The following POLR1D variants were observed in gnomAD, a reference collection of about 807,000 sequenced individuals.
POLR1D encodes the protein RNA polymerase I and III subunit D, also known as DNA-directed RNA polymerases I and III subunit RPAC2.
Under a neutral mutation model 10.8 loss-of-function variants are expected in POLR1D, and 8 were observed. The ratio of observed to expected loss-of-function variants is 0.74; its 90% CI spans 0.43 to 1.33. The LOEUF is 1.33. Among genes scored for constraint, POLR1D ranks in the 40% most tolerant of loss-of-function variants. The probability of loss-of-function intolerance (pLI) is 0.01; values close to 1 mark genes in which losing one functional copy is unlikely to be tolerated. For missense variants in POLR1D, 152 were observed against 161.7 expected (o/e 0.94, Z 0.32); for synonymous variants, 54 against 57.2 (o/e 0.94, Z 0.25).
intron 2 of POLR1D, among the ~76,000 whole-genome samples, chr13:27,649,746 C>A (rs1473492924): frequency 6.6e-6 from 1 of 152,150 alleles, no homozygotes; most frequent in Non-Finnish European, 1.5e-5. Flanking sequence ...GGTCTAGAAA[C>A]AATGACCACC....
At chr13:27,652,911 CTTTTTTTT>C (rs71083685) in intron 2 of POLR1D, among the ~76,000 whole-genome samples, 1 of 89,332 alleles carries the variant, frequency 1.1e-5, no homozygotes, top group African/African-American at 4.9e-5. Context: ...TTTACCATTT[CTTTTTTTT>C]TTTTTTTTTT....
chr13:27,635,696 CTATATA>C (rs3081355), intron 1 of POLR1D, among the ~76,000 whole-genome samples: 30,312 of 140,388 alleles, frequency 0.22, 3,542 homozygotes, highest in Non-Finnish European at 0.26. Context: ...TACAAAGTAA[CTATATA>C]TATATATATA....
chr13:27,625,300 T>G (rs1040697833), downstream of POLR1D, among the ~76,000 whole-genome samples: 2 of 151,836 alleles, frequency 1.3e-5, no homozygotes, highest in African/African-American at 4.8e-5. Flanking sequence ...GAGGCTGGAG[T>G]AGAAGCAGAG....
chr13:27,648,979 C>CT (rs1478315478), intron 2 of POLR1D, among the ~76,000 whole-genome samples: 2 of 152,126 alleles, frequency 1.3e-5, no homozygotes. Flanking sequence ...CATCCCAGCA[C>CT]TTTGGGAGGC....
intron 1 of POLR1D, among the ~76,000 whole-genome samples, chr13:27,629,172 G>A (rs777998378): frequency 2.0e-5 from 3 of 152,150 alleles, no homozygotes; most frequent in South Asian, 2.1e-4. Flanking sequence ...GGAATCTTGG[G>A]TATCTTTTCA....
intron 1 of POLR1D, chr13:27,622,218 C>A: frequency 1.6e-6 from 1 of 610,258 alleles, no homozygotes; most frequent in Non-Finnish European, 2.9e-6. Flanking sequence ...AGTTGGGAGA[C>A]CAGAGTTAAG....
At chr13:27,643,955 C>T (rs1956197193) in intron 1 of POLR1D, among the ~76,000 whole-genome samples, 1 of 152,086 alleles carries the variant, frequency 6.6e-6, no homozygotes, top group Admixed American at 6.6e-5. Flanking sequence ...CTTTTTTGAA[C>T]CTGTTTTTCT....
At chr13:27,657,435 A>G (rs984130519) in intron 2 of POLR1D, among the ~76,000 whole-genome samples, 2 of 152,152 alleles carry the variant, frequency 1.3e-5, no homozygotes, top group Admixed American at 6.5e-5. Flanking sequence ...CTGAGGCAGG[A>G]GAATCACTTG....
chr13:27,640,712 AGATC>A (rs1229775825), intron 1 of POLR1D, among the ~76,000 whole-genome samples: 2 of 152,206 alleles, frequency 1.3e-5, no homozygotes, highest in African/African-American at 4.8e-5. Flanking sequence ...ACTGATTCAT[AGATC>A]ATTTTATTAT....
At position 27,621,941 on chromosome 13, in the gene POLR1D, C is replaced by A. The variant is rs778495401; in HGVS notation, c.-43C>A. 2.0e-5 allele frequency: 32 copies of A among 1,574,472 alleles called. No homozygotes were observed. Among genetic ancestry groups the A allele is most frequent in the East Asian group, 2.3e-5 (1 of 43,450 alleles). On this transcript the variant is annotated 5_prime_UTR_variant, in exon 1 of 2. Coordinates refer to ENST00000302979, the MANE Select transcript of POLR1D (RefSeq NM_015972.4). ...GCCTCGCGCTATGGGACAGAGCCCC[C>A]GATCCGCCAGCACCACCTGAGGATC...
intron 1 of POLR1D, among the ~76,000 whole-genome samples, chr13:27,641,062 T>G (rs1371165202): frequency 6.6e-6 from 1 of 152,210 alleles, no homozygotes; most frequent in Non-Finnish European, 1.5e-5. Flanking sequence ...TTTTTTTGCT[T>G]CTTTAAAAAA....
At chr13:27,630,103 G>C (rs1355569193) in intron 1 of POLR1D, among the ~76,000 whole-genome samples, 1 of 152,046 alleles carries the variant, frequency 6.6e-6, no homozygotes, top group Non-Finnish European at 1.5e-5. Context: ...AGTAGAGACG[G>C]GGTTTCACCA....
chr13:27,633,653 A>G (rs896491817), intron 1 of POLR1D, among the ~76,000 whole-genome samples: 7 of 152,242 alleles, frequency 4.6e-5, no homozygotes, highest in Non-Finnish European at 1.0e-4. Context: ...AGACTCTTGC[A>G]CTTTTCCCTT....
intron 1 of POLR1D, among the ~76,000 whole-genome samples, chr13:27,633,939 C>A (rs1956097948): frequency 6.6e-6 from 1 of 152,224 alleles, no homozygotes; most frequent in Non-Finnish European, 1.5e-5. Flanking sequence ...TTTATCTCTT[C>A]ATTCCCTGAA....
upstream of POLR1D, chr13:27,621,157 CAGGTGAGG>C (rs2138511716): frequency 6.5e-6 from 1 of 152,926 alleles, no homozygotes; most frequent in South Asian, 2.1e-4. Context: ...GCGGGTTCCG[CAGGTGAGG>C]AGGTTTGAGG....
intron 1 of POLR1D, among the ~76,000 whole-genome samples, chr13:27,645,230 A>G (rs905539283): frequency 3.3e-5 from 5 of 152,198 alleles, no homozygotes; most frequent in African/African-American, 1.2e-4. Flanking sequence ...TCTTTGAATG[A>G]ATGCAGTAGT....
At chr13:27,634,723 T>G (rs1956106102) in intron 1 of POLR1D, among the ~76,000 whole-genome samples, 2 of 149,490 alleles carry the variant, frequency 1.3e-5, no homozygotes, top group African/African-American at 5.0e-5. Flanking sequence ...TCACCCAGGC[T>G]GGAGTGCAGT....
At chr13:27,628,337 G>A (rs1260256193), downstream of POLR1D, among the ~76,000 whole-genome samples, 1 of 152,214 alleles carries the variant, frequency 6.6e-6, no homozygotes, top group Non-Finnish European at 1.5e-5. Flanking sequence ...CCAGGATACG[G>A]CAGTGAACAA....
chr13:27,649,480 A>C (rs542010775), intron 2 of POLR1D, among the ~76,000 whole-genome samples: 1 of 152,350 alleles, frequency 6.6e-6, no homozygotes, highest in East Asian at 1.9e-4. Context: ...TTCAGTCATC[A>C]TATTGTTAGT....
Sources: allele counts gnomAD v4.1 joint callset (sites outside exome capture counted in the v4.1 genomes callset), GRCh38; gene constraint gnomAD v4.1.1; transcripts MANE v1.5; gene names NCBI Gene and HGNC (gene_info 2026-07-23, HGNC 2026-07-21).